NPTN: variants seen among roughly 807,000 people sequenced by gnomAD.
NPTN encodes the protein neuroplastin, also known as SDR-1.
A neutral mutation model predicts 42.7 loss-of-function variants in NPTN; 5 were observed. The observed-to-expected ratio is 0.12, with a 90% CI of 0.06 to 0.25. The LOEUF is 0.25. Among genes scored for constraint, NPTN ranks in the 10% least tolerant of loss-of-function variants. NPTN has a pLI of 1.00. For missense variants in NPTN, 307 were observed against 525.4 expected, an observed-to-expected ratio of 0.58 and a Z score of 4.06; for synonymous variants, 180 against 201.9, an observed-to-expected ratio of 0.89 and a Z score of 0.92.
chr15:73,615,132 A>T (rs1897800792), intron 1 of NPTN, among the ~76,000 whole-genome samples: 1 of 151,796 alleles, frequency 6.6e-6, no homozygotes, highest in South Asian at 2.1e-4. Flanking sequence ...AACTCCTAGC[A>T]TCAAAAACAA....
At chr15:73,604,622 G>A (rs1426658821) in intron 1 of NPTN, among the ~76,000 whole-genome samples, 1 of 152,146 alleles carries the variant, frequency 6.6e-6, no homozygotes, top group African/African-American at 2.4e-5. Flanking sequence ...ATAGGGAAAT[G>A]AGCCATGGTT....
At chr15:73,611,359 A>G (rs1232062283) in intron 1 of NPTN, among the ~76,000 whole-genome samples, 1 of 152,218 alleles carries the variant, frequency 6.6e-6, no homozygotes, top group Non-Finnish European at 1.5e-5. Flanking sequence ...TTAAAATTAA[A>G]TATGCTCCCA....
chr15:73,597,200 G>A lies in NPTN; in HGVS notation c.261C>T (p.Val87=), dbSNP rs1896872520. ...QLWDGARKRR[V]TVNTAYGSNG... is the part of the protein sequence containing the mutation. Reference sequence around the variant, plus strand: ...TTGACCCGTAGGCGGTGTTTACGGTGACACGGCGCTTCCGAGCACCGTCCC... The same window carrying A: ...TTGACCCGTAGGCGGTGTTTACGGTAACACGGCGCTTCCGAGCACCGTCCC... The change falls in exon 2 of 9, where the codon GTC becomes GTT. Residue 87 remains valine (V), a synonymous_variant. Coordinates refer to ENST00000345330, the MANE Select transcript of NPTN (RefSeq NM_012428.4). This position sits in a 1 kb window ranked among gnomAD's most constrained non-coding sequence, Gnocchi z 6.3. 6.2e-7 allele frequency: 1 copy of A among 1,614,194 alleles called. No individual in the cohort carries two copies.
intron 1 of NPTN, among the ~76,000 whole-genome samples, chr15:73,617,861 A>G (rs561338202): frequency 1.3e-5 from 2 of 152,346 alleles, no homozygotes; most frequent in African/African-American, 4.8e-5. Context: ...AGCAAGAACT[A>G]CTACTTTATA....
At chr15:73,581,987 G>A (rs939323178) in intron 4 of NPTN, among the ~76,000 whole-genome samples, 3 of 152,028 alleles carry the variant, frequency 2.0e-5, no homozygotes. Context: ...GGCGTGCACC[G>A]CCACACTCGG....
At chr15:73,612,957 A>G (rs1360180160) in intron 1 of NPTN, among the ~76,000 whole-genome samples, 1 of 152,204 alleles carries the variant, frequency 6.6e-6, no homozygotes, top group Non-Finnish European at 1.5e-5. Context: ...AGGTAACCAT[A>G]TAATTTGTCA....
intron 1 of NPTN, among the ~76,000 whole-genome samples, chr15:73,626,138 T>G (rs1898393292): frequency 6.6e-6 from 1 of 152,170 alleles, no homozygotes; most frequent in South Asian, 2.1e-4. Context: ...AAAATACAAA[T>G]AGTTAAGTGT....
chr15:73,563,576 G>A, intron 6 of NPTN: 1 of 1,169,768 alleles, frequency 8.5e-7, no homozygotes, highest in Non-Finnish European at 1.1e-6. Context: ...AAGTTCCAGT[G>A]GTTCACTCTT....
At chr15:73,625,166 G>A (rs1002001039) in intron 1 of NPTN, among the ~76,000 whole-genome samples, 4 of 152,078 alleles carry the variant, frequency 2.6e-5, no homozygotes, top group South Asian at 2.1e-4. Context: ...TGAGTTTCAC[G>A]GCCCATGAAT....
chr15:73,629,755 G>A (rs1595980198), intron 1 of NPTN, among the ~76,000 whole-genome samples: 1 of 150,986 alleles, frequency 6.6e-6, no homozygotes, highest in South Asian at 2.1e-4. Flanking sequence ...TGTGTGCCGG[G>A]TACCACACTC....
intron 4 of NPTN, among the ~76,000 whole-genome samples, chr15:73,577,936 G>T (rs1485685689): frequency 6.6e-6 from 1 of 152,070 alleles, no homozygotes; most frequent in Admixed American, 6.6e-5. Flanking sequence ...AGACTGATTT[G>T]AATAGTAATA....
chr15:73,604,212 T>A (rs1198998443), intron 1 of NPTN, among the ~76,000 whole-genome samples: 2 of 152,164 alleles, frequency 1.3e-5, no homozygotes, highest in Non-Finnish European at 2.9e-5. Context: ...ACTCATAATC[T>A]CAGCACTTTG....
chr15:73,569,107 T>G lies in NPTN; in HGVS notation c.1114+1043A>C. On this transcript the variant is annotated intron_variant, in intron 6 of 8. Coordinates refer to ENST00000345330, the MANE Select transcript of NPTN (RefSeq NM_012428.4). The surrounding 1 kb of genome is among the most constrained non-coding windows in gnomAD (Gnocchi z 4.1). ...CTGGCAACCCCACCATCACCCCGGGTAGGCTACCACTGAGCCCAGGGGCAC... is the reference window on the plus strand; with the variant it reads ...CTGGCAACCCCACCATCACCCCGGGGAGGCTACCACTGAGCCCAGGGGCAC... The G allele has an allele frequency of 1.0e-6, 1 of 985,562 alleles. No homozygotes were observed. 61.1% of individuals were successfully genotyped at this position (985,562 alleles called of 1,614,324 possible).
intron 5 of NPTN, 144 bp downstream of exon 5, chr15:73,573,518 A>C (rs1895523191): frequency 1.1e-6 from 1 of 878,274 alleles, no homozygotes; most frequent in East Asian, 2.9e-5. Context: ...CTCTTGATTC[A>C]TGCTGTAAAC....
intron 8 of NPTN, 62 bp downstream of exon 8, chr15:73,561,834 G>T: frequency 8.3e-7 from 1 of 1,207,450 alleles, no homozygotes; most frequent in Non-Finnish European, 1.2e-6. Context: ...TTGTAACAAG[G>T]TCAATAGAGG....
At position 73,568,163 on chromosome 15, in the gene NPTN, C is replaced by T. The variant is rs533996813; in HGVS notation, c.1114+1987G>A. The stretch of plus-strand genomic sequence containing the variant: ...GTCTGCACTTATCCAACAGAACAAT[C>T]CTAACCATTTCTCAAATCTAACCTA... On this transcript the variant is annotated intron_variant, in intron 6 of 8. Coordinates refer to ENST00000345330, the MANE Select transcript of NPTN (RefSeq NM_012428.4). 116 of 985,436 alleles carry T rather than the reference C, an allele frequency of 1.2e-4. 1 individual carries two copies. The African/African-American group carries it at 1.9e-3, about 16-fold the overall frequency. 61.0% of individuals were successfully genotyped at this position (985,436 alleles called of 1,614,324 possible). A position where few individuals can be genotyped will look rare whatever the true frequency, so the allele number is the denominator to read the frequency against.
intron 4 of NPTN, among the ~76,000 whole-genome samples, chr15:73,577,213 G>A (rs11072425): frequency 0.014 from 2,136 of 152,274 alleles, 27 homozygotes; most frequent in East Asian, 0.054. Flanking sequence ...TCCTAGCCAG[G>A]CCTGCATGAG....
intron 1 of NPTN, among the ~76,000 whole-genome samples, chr15:73,601,238 T>G (rs1013734662): frequency 6.6e-6 from 1 of 152,090 alleles, no homozygotes; most frequent in Non-Finnish European, 1.5e-5. Context: ...TAAACTGTGC[T>G]GCCTCTAAAC....
intron 4 of NPTN, among the ~76,000 whole-genome samples, chr15:73,581,226 C>T (rs1896025711): frequency 6.6e-6 from 1 of 152,130 alleles, no homozygotes; most frequent in African/African-American, 2.4e-5. Flanking sequence ...TATTTTAGTG[C>T]CTCACCTTCT....
Sources: gnomAD v4.1 joint callset for allele counts (sites outside exome capture counted in the v4.1 genomes callset) on GRCh38, gnomAD v4.1.1 for gene constraint, Gnocchi (gnomAD v3.1) non-coding constraint, MANE v1.5 for transcripts, NCBI Gene and HGNC (gene_info 2026-07-23, HGNC 2026-07-21) for gene names.